The following CACNA1B variants were observed in gnomAD, a reference collection of about 807,000 sequenced individuals.
The protein encoded by CACNA1B is calcium voltage-gated channel subunit alpha1 B, also known as voltage-dependent N-type calcium channel subunit alpha-1B.
In CACNA1B, 70 loss-of-function variants were observed where a neutral mutation model predicts 247.2. The ratio of observed to expected loss-of-function variants is 0.28; its 90% confidence interval spans 0.23 to 0.35. The LOEUF is 0.35. CACNA1B is among the 10% of genes least tolerant of loss of function. The pLI, the probability that CACNA1B is intolerant of heterozygous loss-of-function variation, is 1.00. For missense variants in CACNA1B, 2,367 were observed against 3,197.4 expected (o/e 0.74, Z 6.26); for synonymous variants, 1,231 against 1,294.4 (o/e 0.95, Z 1.05).
chr9:137,878,264 GGGGGCC>G (rs951305601), intron 1 of CACNA1B, 47 bp downstream of exon 1: 3 of 1,156,218 alleles, frequency 2.6e-6, no homozygotes, highest in Non-Finnish European at 3.3e-6. Context: ...GGACCGGGGT[GGGGGCC>G]GGGGCCGGGG....
At chr9:137,992,015 A>G (rs376015012) in intron 15 of CACNA1B, among the ~76,000 whole-genome samples, 80 of 152,352 alleles carry the variant, frequency 5.3e-4, no homozygotes, top group African/African-American at 1.8e-3. Context: ...CAGAACCTCT[A>G]TAACAATAAC....
intron 34 of CACNA1B, among the ~76,000 whole-genome samples, chr9:138,074,776 C>T (rs1161431924): frequency 6.6e-6 from 1 of 152,176 alleles, no homozygotes; most frequent in East Asian, 1.9e-4. Flanking sequence ...GGTGGAGGCG[C>T]GTTGGAGCAC....
intron 20 of CACNA1B, among the ~76,000 whole-genome samples, chr9:138,043,555 T>C (rs1589089515): frequency 1.3e-5 from 2 of 151,822 alleles, no homozygotes; most frequent in Non-Finnish European, 2.9e-5. Context: ...CAGCAAGAGG[T>C]GAGGAAGGGT....
chr9:137,905,376 A>T (rs1957287461), intron 3 of CACNA1B, among the ~76,000 whole-genome samples: 1 of 151,944 alleles, frequency 6.6e-6, no homozygotes, highest in Non-Finnish European at 1.5e-5. Flanking sequence ...AAACTTTTAG[A>T]TTCAACTTAT....
chr9:138,024,850 T>G (rs1221712436), intron 19 of CACNA1B, 105 bp from the exon 20 acceptor site: 7 of 768,810 alleles, frequency 9.1e-6, no homozygotes, highest in Non-Finnish European at 1.5e-5. Flanking sequence ...CCCAGGCTGG[T>G]CTTGAACTCC....
chr9:138,015,436 G>A (rs550389272), intron 18 of CACNA1B, among the ~76,000 whole-genome samples: 9 of 146,894 alleles, frequency 6.1e-5, no homozygotes, highest in Non-Finnish European at 1.2e-4. Flanking sequence ...GCTGAAAGCT[G>A]TCTGTCATCT....
chr9:138,023,372 G>A lies in CACNA1B; in HGVS notation c.2629G>A (p.Gly877Arg). 7.2e-7 allele frequency: 1 copy of A among 1,397,880 alleles called. No homozygotes were observed. The highest frequency in any genetic ancestry group is 9.2e-7 in the Non-Finnish European group (1 of 1,083,764). The allele number at this position is 1,397,880 out of a possible 1,614,324, so 86.6% of individuals were successfully genotyped here. A position where few individuals can be genotyped will look rare whatever the true frequency, so the allele number is the denominator to read the frequency against. ...DRAEAPKAES[G>R]EPGAREERPR... is the part of the protein sequence containing the mutation. ...AGCAGAGGCCCCGAAGGCGGAGAGC[G>A]GGGAGCCCGGTGCCCGGGAGGAGCG... The change falls in exon 19 of 47, where the codon GGG becomes AGG. Residue 877 changes from glycine to arginine, a missense_variant. Transcript: ENST00000371372.
rs1478666014 is a variant in CACNA1B, at chr9:137,974,100, C to T, written c.1544-1807C>T. 6.6e-6 allele frequency among the ~76,000 whole-genome samples: 1 copy of T among 152,194 alleles called. No homozygotes were observed. Among genetic ancestry groups the T allele is most frequent in the Non-Finnish European group, 1.5e-5 (1 of 68,042 alleles). ...GGACTTTGTGGCCAGGCGTGTTGGG[C>T]CTTTCCAAGCTGCTTGTGTATTCCC... On this transcript the variant is annotated intron_variant, in intron 11 of 46. Transcript: ENST00000371372. The surrounding 1 kb of genome is among the most constrained non-coding windows in gnomAD (Gnocchi z 4.5).
Position 138,052,235 on chromosome 9 carries a change from C to A in CACNA1B, c.3807+47C>A. 1.1e-6 allele frequency: 1 copy of A among 948,822 alleles called. No homozygotes were observed. The highest frequency in any genetic ancestry group is 1.6e-6 in the Non-Finnish European group (1 of 610,058). The allele number at this position is 948,822 out of a possible 1,614,324, so 58.8% of individuals were successfully genotyped here. Reference sequence around the variant, plus strand: ...TTGAGGGATGTGCTGTGTGTGTGTGCGTGTGTGTGTGTGCGTGTGTGTGTG... The same window carrying A: ...TTGAGGGATGTGCTGTGTGTGTGTGAGTGTGTGTGTGTGCGTGTGTGTGTG... On this transcript the variant is annotated intron_variant, in intron 25 of 46. Coordinates refer to ENST00000371372, the MANE Select transcript of CACNA1B (RefSeq NM_000718.4). This position sits in a 1 kb window ranked among gnomAD's most constrained non-coding sequence, Gnocchi z 5.1.
At chr9:138,120,530 A>C in intron 45 of CACNA1B, 101 bp from the exon 46 acceptor site, 1 of 1,401,180 alleles carries the variant, frequency 7.1e-7, no homozygotes, top group Non-Finnish European at 9.4e-7. Context: ...CCCTCACCCT[A>C]GCCTCCCCTG....
chr9:138,059,266 C>A lies in CACNA1B; in HGVS notation c.4584+77C>A. The stretch of plus-strand genomic sequence containing the variant: ...CCATCTGTAGGGCGACCTTTGGGGG[C>A]TCACAATTTGGAGCTGGGAATTCTC... On this transcript the variant is annotated intron_variant, in intron 30 of 46. Coordinates refer to ENST00000371372, the MANE Select transcript of CACNA1B (RefSeq NM_000718.4). The surrounding 1 kb of genome is among the most constrained non-coding windows in gnomAD (Gnocchi z 4.2). The A allele has an allele frequency of 1.2e-6, 1 of 809,922 alleles. No homozygotes were observed. Among genetic ancestry groups the A allele is most frequent in the Non-Finnish European group, 2.1e-6 (1 of 471,750 alleles). The allele number at this position is 809,922 out of a possible 1,614,324, so 50.2% of individuals were successfully genotyped here.
intron 15 of CACNA1B, among the ~76,000 whole-genome samples, chr9:137,997,408 A>G (rs1056415304): frequency 6.6e-6 from 1 of 152,250 alleles, no homozygotes; most frequent in Non-Finnish European, 1.5e-5. Context: ...ATACACAGAA[A>G]ACTCAAGTCC....
Position 137,893,925 on chromosome 9 carries a change from A to G in CACNA1B, c.530+11042A>G, listed in dbSNP as rs543536111. On this transcript the variant is annotated intron_variant, in intron 3 of 46. Coordinates refer to ENST00000371372, the MANE Select transcript of CACNA1B (RefSeq NM_000718.4). Reference sequence around the variant, plus strand: ...GGCTGCACCCACCTTCCTCCTACTTACCTCACCCACCTTCCCTTTACTCGC... The same window carrying G: ...GGCTGCACCCACCTTCCTCCTACTTGCCTCACCCACCTTCCCTTTACTCGC... Among the ~76,000 whole-genome samples the G allele has an allele frequency of 3.3e-4, 50 of 151,954 alleles. No homozygotes were observed. The East Asian group carries it at 9.3e-3, about 28-fold the overall frequency.
intron 13 of CACNA1B, among the ~76,000 whole-genome samples, chr9:137,984,573 A>T (rs1057025744): frequency 6.6e-6 from 1 of 152,130 alleles, no homozygotes; most frequent in Non-Finnish European, 1.5e-5. Flanking sequence ...CTTTGTAGTT[A>T]ATGAGGAAGA....
chr9:137,921,916 C>T (rs112668955), intron 6 of CACNA1B, among the ~76,000 whole-genome samples: 1 of 143,580 alleles, frequency 7.0e-6, no homozygotes, highest in Non-Finnish European at 1.5e-5. Context: ...GTAAAGCGTT[C>T]GGAGAACATG....
At position 138,020,972 on chromosome 9, in the gene CACNA1B, G is replaced by A. The variant is rs7033916; in HGVS notation, c.2268-2039G>A. Reference sequence around the variant, plus strand: ...CCAAGATTCACGGCTTCATCAGAGCGGGCCACCCTGCTGACCAAGTGGCTC... The same window carrying A: ...CCAAGATTCACGGCTTCATCAGAGCAGGCCACCCTGCTGACCAAGTGGCTC... On this transcript the variant is annotated intron_variant, in intron 18 of 46. Transcript: ENST00000371372. The surrounding 1 kb of genome is among the most constrained non-coding windows in gnomAD (Gnocchi z 4.1). 0.039 allele frequency among the ~76,000 whole-genome samples: 5,971 copies of A among 152,268 alleles called. 374 individuals are homozygous for A. Among genetic ancestry groups the A allele is most frequent in the African/African-American group, 0.14 (5,617 of 41,532 alleles).
Position 138,102,544 on chromosome 9 carries a change from T to C in CACNA1B, c.5223-167T>C, listed in dbSNP as rs1961286762. On this transcript the variant is annotated intron_variant, in intron 37 of 46. Coordinates refer to ENST00000371372, the MANE Select transcript of CACNA1B (RefSeq NM_000718.4). The surrounding 1 kb of genome is among the most constrained non-coding windows in gnomAD (Gnocchi z 5.4). Reference sequence around the variant, plus strand: ...CCAAGCAGAGAAATCCCTCATTTTATTTATTTTGATTTTGGGCTTTGAATC... The same window carrying C: ...CCAAGCAGAGAAATCCCTCATTTTACTTATTTTGATTTTGGGCTTTGAATC... Among the ~76,000 whole-genome samples the C allele has an allele frequency of 6.6e-6, 1 of 152,006 alleles. No homozygotes were observed. The highest frequency in any genetic ancestry group is 1.5e-5 in the Non-Finnish European group (1 of 67,992).
rs186334735 is a variant in CACNA1B at position 138,113,182 on chromosome 9, G to A, written c.5536+677G>A. Among the ~76,000 whole-genome samples, 175 of 138,738 alleles carry A rather than the reference G, an allele frequency of 1.3e-3. 1 individual carries two copies. Among genetic ancestry groups the A allele is most frequent in the African/African-American group, 4.4e-3 (160 of 36,564 alleles). 91.0% of individuals were successfully genotyped at this position (138,738 alleles called of 152,430 possible). A position where few individuals can be genotyped will look rare whatever the true frequency, so the allele number is the denominator to read the frequency against. ...CCATCTTATGGGAACGTGAGGGAGC[G>A]CGGGGACGTGCACACCTCCTTCTTT... On this transcript the variant is annotated intron_variant, in intron 40 of 46. Coordinates refer to ENST00000371372, the MANE Select transcript of CACNA1B (RefSeq NM_000718.4).
chr9:137,924,385 T>C (rs1208482211), intron 6 of CACNA1B, among the ~76,000 whole-genome samples: 1 of 140,490 alleles, frequency 7.1e-6, no homozygotes, highest in Non-Finnish European at 1.6e-5. Flanking sequence ...TCCTCCTTCC[T>C]TCCCTCCCTC....
Sources: allele counts gnomAD v4.1 joint callset (sites outside exome capture counted in the v4.1 genomes callset), GRCh38; gene constraint gnomAD v4.1.1; non-coding constraint Gnocchi (gnomAD v3.1); transcripts MANE v1.5; gene names NCBI Gene and HGNC (gene_info 2026-07-23, HGNC 2026-07-21).